Variants in PTP4A1 observed in about 807,000 individuals in gnomAD.
PTP4A1 encodes the protein protein tyrosine phosphatase type IVA 1.
PTP4A1 carries 9 observed loss-of-function variants against 20.5 expected under a neutral mutation model. That is an observed-to-expected ratio of 0.44 (90% CI 0.26 to 0.77). PTP4A1 has a LOEUF of 0.77. Among genes scored for constraint, PTP4A1 ranks in the 30% least tolerant of loss-of-function variants. PTP4A1 has a pLI of 0.19. For missense variants in PTP4A1, 137 were observed against 218.8 expected, an observed-to-expected ratio of 0.63 and a Z score of 2.36; for synonymous variants, 78 against 67.4, an observed-to-expected ratio of 1.16 and a Z score of -0.77.
At chr6:63,519,069 C>T (rs532267549), upstream of PTP4A1, among the ~76,000 whole-genome samples, 4 of 152,300 alleles carry the variant, frequency 2.6e-5, no homozygotes, top group Admixed American at 1.3e-4. Context: ...AATCCCAACA[C>T]TTTGAGAGGC....
intron 1 of PTP4A1, 144 bp downstream of exon 1, chr6:63,572,863 G>A (rs1333397907): frequency 2.5e-6 from 1 of 393,044 alleles, no homozygotes; most frequent in East Asian, 3.6e-5. Flanking sequence ...GGGAGCGGGC[G>A]GGTTATGGCC....
chr6:63,580,939 G>C lies in PTP4A1; in HGVS notation c.*765G>C, dbSNP rs1397574604. ...CAGGGAGGGCCTGAGAAAAGAATGG[G>C]AGGGGGCTATTAATTATTTTTAGCA... On this transcript the variant is annotated 3_prime_UTR_variant, in exon 6 of 6. Transcript: ENST00000626021. 6.6e-6 allele frequency: 1 copy of C among 152,468 alleles called. No homozygotes were observed. Among genetic ancestry groups the C allele is most frequent in the Non-Finnish European group, 1.5e-5 (1 of 68,004 alleles). The allele number at this position is 152,468 out of a possible 1,614,324, so 9.4% of individuals were successfully genotyped here. A position where few individuals can be genotyped will look rare whatever the true frequency, so the allele number is the denominator to read the frequency against.
chr6:63,518,776 C>T (rs1292502652), upstream of PTP4A1, among the ~76,000 whole-genome samples: 2 of 152,000 alleles, frequency 1.3e-5, no homozygotes, highest in Non-Finnish European at 2.9e-5. Flanking sequence ...CATAAATGTA[C>T]CTGGGAAGTT....
At chr6:63,525,822 T>C (rs570896352) in intron 1 of PTP4A1, among the ~76,000 whole-genome samples, 1 of 152,330 alleles carries the variant, frequency 6.6e-6, no homozygotes, top group East Asian at 1.9e-4. Flanking sequence ...GTAAATTATC[T>C]CTTAAAATAG....
chr6:63,543,549 G>A (rs1776066970), intron 2 of PTP4A1, among the ~76,000 whole-genome samples: 1 of 152,128 alleles, frequency 6.6e-6, no homozygotes, highest in South Asian at 2.1e-4. Flanking sequence ...TTGAATAAAT[G>A]CATCTATGTA....
intron 2 of PTP4A1, chr6:63,549,324 C>G (rs1776335894): frequency 1.3e-6 from 1 of 753,704 alleles, no homozygotes; most frequent in Non-Finnish European, 2.4e-6. Context: ...CCGCTGCAAC[C>G]TGATATAGTG....
At chr6:63,528,550 C>A (rs1321755789) in intron 2 of PTP4A1, among the ~76,000 whole-genome samples, 2 of 151,736 alleles carry the variant, frequency 1.3e-5, no homozygotes, top group Non-Finnish European at 2.9e-5. Flanking sequence ...CATGGTGAAA[C>A]CTCATCTCTA....
Position 63,580,109 on chromosome 6 carries a change from C to T in PTP4A1, c.457C>T (p.Arg153Cys). Residue 153 changes from arginine (R) to cysteine (C), a missense_variant, in exon 6 of 6, where the codon CGT becomes TGT. Coordinates refer to ENST00000626021, the MANE Select transcript of PTP4A1 (RefSeq NM_003463.5). ...GCAACTTCTGTATTTGGAGAAGTAT[C>T]GTCCTAAAATGCGGCTGCGTTTCAA... is the stretch of plus-strand genomic sequence containing the variant. ...SKQLLYLEKY[R>C]PKMRLRFKDS... 3 of 1,612,642 alleles carry T rather than the reference C, an allele frequency of 1.9e-6. No homozygotes were observed. The highest frequency in any genetic ancestry group is 1.3e-5 in the African/African-American group (1 of 74,680).
chr6:63,572,612 G>T lies in PTP4A1; in HGVS notation c.-553G>T. 1 of 419,430 alleles carries T rather than the reference G, an allele frequency of 2.4e-6. No homozygotes were observed. The allele number at this position is 419,430 out of a possible 1,614,324, so 26.0% of individuals were successfully genotyped here. A position where few individuals can be genotyped will look rare whatever the true frequency, so the allele number is the denominator to read the frequency against. ...ATCGCCGCCACCGCCGCTCCGCCAC[G>T]ACCACCGCCGCCTCCTGCCCTGCAG... is the stretch of plus-strand genomic sequence containing the variant. On this transcript the variant is annotated 5_prime_UTR_variant, in exon 1 of 6. Coordinates refer to ENST00000626021, the MANE Select transcript of PTP4A1 (RefSeq NM_003463.5).
At chr6:63,560,448 C>A (rs1726686379) in intron 3 of PTP4A1, among the ~76,000 whole-genome samples, 1 of 146,972 alleles carries the variant, frequency 6.8e-6, no homozygotes, top group Non-Finnish European at 1.5e-5. Context: ...GTTGGGCGGG[C>A]TGGAAGGCAG....
At chr6:63,530,269 C>T (rs1450737995) in intron 2 of PTP4A1, among the ~76,000 whole-genome samples, 1 of 152,000 alleles carries the variant, frequency 6.6e-6, no homozygotes, top group Admixed American at 6.6e-5. Flanking sequence ...GAAGAAAAGG[C>T]ATAGATGTAA....
intron 3 of PTP4A1, 36 bp from the exon 4 acceptor site, chr6:63,578,862 A>C: frequency 6.8e-7 from 1 of 1,460,352 alleles, no homozygotes; most frequent in Non-Finnish European, 9.2e-7. Context: ...TGTTTATATT[A>C]ATGATCTAAA....
At chr6:63,537,193 A>G (rs538810346) in intron 2 of PTP4A1, among the ~76,000 whole-genome samples, 20 of 152,222 alleles carry the variant, frequency 1.3e-4, no homozygotes, top group Non-Finnish European at 2.6e-4. Context: ...GGGTGGGGAC[A>G]GTAGAAGTAT....
chr6:63,520,401 CG>C (rs1774876556), upstream of PTP4A1, among the ~76,000 whole-genome samples: 1 of 151,830 alleles, frequency 6.6e-6, no homozygotes, highest in South Asian at 2.1e-4. Context: ...CTGAGGCGGG[CG>C]GATCACTTGA....
chr6:63,546,293 CACAT>C, intron 2 of PTP4A1, among the ~76,000 whole-genome samples: 1 of 152,308 alleles, frequency 6.6e-6, no homozygotes, highest in South Asian at 2.1e-4. Flanking sequence ...CACAGAAAGA[CACAT>C]ACTCTATGAT....
intron 2 of PTP4A1, chr6:63,549,052 G>A (rs1776323384): frequency 1.4e-6 from 1 of 722,778 alleles, no homozygotes; most frequent in South Asian, 1.4e-5. Flanking sequence ...ACCACCGGCT[G>A]AGCTTTCTTA....
At chr6:63,536,330 C>CA (rs547433981) in intron 2 of PTP4A1, among the ~76,000 whole-genome samples, 25 of 149,374 alleles carry the variant, frequency 1.7e-4, no homozygotes, top group African/African-American at 3.2e-4. Flanking sequence ...GATTCTGTCT[C>CA]AAAAAAAAAG....
At position 63,572,588 on chromosome 6, in the gene PTP4A1, T is replaced by A; in HGVS notation, c.-577T>A. 2.4e-6 allele frequency: 1 copy of A among 415,996 alleles called. No individual in the cohort carries two copies. The highest frequency in any genetic ancestry group is 4.2e-6 in the Non-Finnish European group (1 of 240,396). 25.8% of individuals were successfully genotyped at this position (415,996 alleles called of 1,614,324 possible). ...TCTGGTGCCCCCGCCGCCGCCTGCA[T>A]CGCCGCCACCGCCGCTCCGCCACGA... On this transcript the variant is annotated 5_prime_UTR_variant, in exon 1 of 6. Transcript: ENST00000626021.
intron 1 of PTP4A1, among the ~76,000 whole-genome samples, chr6:63,574,941 G>A (rs1475412860): frequency 6.6e-6 from 1 of 152,158 alleles, no homozygotes; most frequent in Non-Finnish European, 1.5e-5. Context: ...TAACCTCTGA[G>A]GGCTTGTTTG....
Sources: gnomAD v4.1 joint callset for allele counts (sites outside exome capture counted in the v4.1 genomes callset) on GRCh38, gnomAD v4.1.1 for gene constraint, MANE v1.5 for transcripts, NCBI Gene and HGNC (gene_info 2026-07-23, HGNC 2026-07-21) for gene names.